Variants in TMEM232 observed in about 807,000 individuals in gnomAD.
The protein encoded by TMEM232 is transmembrane protein 232.
A neutral mutation model predicts 78.8 loss-of-function variants in TMEM232; 80 were observed. The ratio of observed to expected loss-of-function variants is 1.01; its 90% CI spans 0.85 to 1.22. The LOEUF (loss-of-function observed/expected upper bound fraction) is 1.22. Among genes scored for constraint, TMEM232 ranks in the 50% most tolerant of loss-of-function variants. TMEM232 has a pLI of 0.00. For synonymous variants in TMEM232, 297 were observed against 254.3 expected (o/e 1.17, Z -1.60); for missense variants, 881 against 742.2 (o/e 1.19, Z -2.17).
chr5:110,620,979 C>T (rs1237395970), intron 7 of TMEM232, among the ~76,000 whole-genome samples: 1 of 147,676 alleles, frequency 6.8e-6, no homozygotes, highest in African/African-American at 2.5e-5. Flanking sequence ...TCTCCTGTCT[C>T]AGCCTGCCAA....
At chr5:110,544,358 G>A (rs1166753935) in intron 11 of TMEM232, among the ~76,000 whole-genome samples, 1 of 149,386 alleles carries the variant, frequency 6.7e-6, no homozygotes, top group African/African-American at 2.5e-5. Context: ...TGGGCATAAA[G>A]ATGGCAAAGG....
At chr5:110,534,955 C>T (rs1454076882) in intron 11 of TMEM232, among the ~76,000 whole-genome samples, 1 of 152,150 alleles carries the variant, frequency 6.6e-6, no homozygotes, top group South Asian at 2.1e-4. Context: ...CTTCCTTCAG[C>T]TTAATCTCTC....
At chr5:110,668,528 C>A (rs1052689182) in intron 1 of TMEM232, among the ~76,000 whole-genome samples, 2 of 152,020 alleles carry the variant, frequency 1.3e-5, no homozygotes, top group Non-Finnish European at 2.9e-5. Flanking sequence ...GGGAAAATAT[C>A]CAGCAAAATA....
intron 12 of TMEM232, among the ~76,000 whole-genome samples, chr5:110,464,590 G>A (rs181749579): frequency 1.3e-5 from 2 of 152,152 alleles, no homozygotes; most frequent in African/African-American, 4.8e-5. Context: ...TTATTCAGGT[G>A]TATCACAAAG....
intron 12 of TMEM232, among the ~76,000 whole-genome samples, chr5:110,438,218 T>C (rs1332599752): frequency 6.6e-6 from 1 of 151,890 alleles, no homozygotes; most frequent in Non-Finnish European, 1.5e-5. Context: ...TTTCTCATCT[T>C]CCCTTTTCTT....
In TMEM232 at chr5:110,724,244, T is replaced by C. The variant is rs1797946342; in HGVS notation, c.-13+2383A>G. Among the ~76,000 whole-genome samples, 3 of 152,172 alleles carry C rather than the reference T, an allele frequency of 2.0e-5. No individual in the cohort carries two copies. In the South Asian group the frequency reaches 6.2e-4, roughly 31 times the overall value. On this transcript the variant is annotated intron_variant, in intron 1 of 13. Coordinates refer to ENST00000455884, the MANE Select transcript of TMEM232 (RefSeq NM_001039763.4). The stretch of plus-strand genomic sequence containing the variant: ...TGTGGCCAGAATACCCTTCTCTTCA[T>C]ATTCTCACCTCTCTGGAGTTGATGC...
At chr5:110,566,805 C>T (rs910451792) in intron 11 of TMEM232, among the ~76,000 whole-genome samples, 6 of 152,004 alleles carry the variant, frequency 3.9e-5, no homozygotes, top group Admixed American at 3.9e-4. Context: ...GGTATCTTTA[C>T]AGCAGCACCC....
chr5:110,689,395 G>C (rs551474533), intron 1 of TMEM232, among the ~76,000 whole-genome samples: 8 of 151,212 alleles, frequency 5.3e-5, no homozygotes, highest in Non-Finnish European at 1.0e-4. Context: ...TTTAAAAATT[G>C]GCAATTTTTT....
intron 1 of TMEM232, among the ~76,000 whole-genome samples, chr5:110,673,455 A>T (rs1791623540): frequency 6.8e-6 from 1 of 146,790 alleles, no homozygotes; most frequent in African/African-American, 2.5e-5. Context: ...AAGTATAACT[A>T]AAAAAAAAAG....
chr5:110,488,895 A>G (rs1230937250), intron 12 of TMEM232, among the ~76,000 whole-genome samples: 1 of 151,994 alleles, frequency 6.6e-6, no homozygotes, highest in Non-Finnish European at 1.5e-5. Context: ...ACTTGCATAA[A>G]TCAAAAAGTT....
chr5:110,455,376 T>C (rs1469733832), intron 12 of TMEM232, among the ~76,000 whole-genome samples: 3 of 150,992 alleles, frequency 2.0e-5, no homozygotes, highest in African/African-American at 7.4e-5. Context: ...AAAGTAGATA[T>C]AAACTTTTTT....
intron 2 of TMEM232, among the ~76,000 whole-genome samples, chr5:110,654,503 A>G (rs981216934): frequency 6.6e-6 from 1 of 152,082 alleles, no homozygotes; most frequent in African/African-American, 2.4e-5. Context: ...TATTCCATTG[A>G]TCTATATCTG....
intron 2 of TMEM232, among the ~76,000 whole-genome samples, chr5:110,409,374 A>G (rs1291976812): frequency 6.6e-6 from 1 of 152,242 alleles, no homozygotes; most frequent in Non-Finnish European, 1.5e-5. Context: ...AGCTGTGATC[A>G]AGTTCATGCA....
intron 1 of TMEM232, among the ~76,000 whole-genome samples, chr5:110,670,333 C>A (rs540225418): frequency 9.7e-4 from 148 of 152,184 alleles, no homozygotes; most frequent in African/African-American, 3.4e-3. Flanking sequence ...TCTTATACAC[C>A]AATAACAGAC....
chr5:110,479,625 A>G (rs1406810580), intron 12 of TMEM232, among the ~76,000 whole-genome samples: 1 of 151,876 alleles, frequency 6.6e-6, no homozygotes, highest in Non-Finnish European at 1.5e-5. Context: ...TCATTTTATT[A>G]ATGAATTTAC....
chr5:110,559,705 T>C (rs941638503), intron 11 of TMEM232, among the ~76,000 whole-genome samples: 6 of 152,166 alleles, frequency 3.9e-5, no homozygotes, highest in Non-Finnish European at 8.8e-5. Context: ...TATTAGTTCC[T>C]GGTGTTATGA....
chr5:110,656,550 G>C (rs141424057), intron 2 of TMEM232, among the ~76,000 whole-genome samples: 1 of 152,108 alleles, frequency 6.6e-6, no homozygotes, highest in Non-Finnish European at 1.5e-5. Context: ...AATACAAAAA[G>C]AAAGTCAGGC....
chr5:110,476,764 A>C (rs993884280), intron 12 of TMEM232, among the ~76,000 whole-genome samples: 3 of 152,026 alleles, frequency 2.0e-5, no homozygotes, highest in Non-Finnish European at 4.4e-5. Flanking sequence ...GGACATTCTA[A>C]TGTTTTTATG....
intron 1 of TMEM232, among the ~76,000 whole-genome samples, chr5:110,716,351 T>C (rs967746424): frequency 6.6e-6 from 1 of 152,176 alleles, no homozygotes; most frequent in Non-Finnish European, 1.5e-5. Context: ...ATTTCTATTA[T>C]TGTTACATTG....
Sources: gnomAD v4.1 joint callset for allele counts (sites outside exome capture counted in the v4.1 genomes callset) on GRCh38, gnomAD v4.1.1 for gene constraint, MANE v1.5 for transcripts, NCBI Gene and HGNC (gene_info 2026-07-23, HGNC 2026-07-21) for gene names.